The following USP13 variants were observed in gnomAD, a reference collection of about 807,000 sequenced individuals.
The protein encoded by USP13 is ubiquitin specific peptidase 13, also known as ubiquitin carboxyl-terminal hydrolase 13.
Under a neutral mutation model 107.8 loss-of-function variants are expected in USP13, and 68 were observed. That is an observed-to-expected ratio of 0.63 (90% confidence interval 0.52 to 0.77). The LOEUF (loss-of-function observed/expected upper bound fraction) is 0.77. Among genes scored for constraint, USP13 ranks in the 30% least tolerant of loss-of-function variants. The pLI, the probability that USP13 is intolerant of heterozygous loss-of-function variation, is 0.00. For missense variants in USP13, 945 were observed against 1,093.3 expected (o/e 0.86, Z 1.91); for synonymous variants, 377 against 389.5 (o/e 0.97, Z 0.38).
intron 13 of USP13, 51 bp downstream of exon 13, chr3:179,745,268 G>T: frequency 6.4e-6 from 10 of 1,563,128 alleles, no homozygotes; most frequent in African/African-American, 4.1e-5. Flanking sequence ...GCCTTGAGGG[G>T]TGGGGACAGG....
chr3:179,722,151 C>T (rs1560062445), intron 8 of USP13, among the ~76,000 whole-genome samples: 1 of 151,962 alleles, frequency 6.6e-6, no homozygotes, highest in Non-Finnish European at 1.5e-5. Flanking sequence ...TTTTGACCAT[C>T]ACCCTATGTA....
chr3:179,740,002 C>T (rs11918373), intron 10 of USP13, among the ~76,000 whole-genome samples: 10,799 of 152,116 alleles, frequency 0.071, 923 homozygotes, highest in African/African-American at 0.19. Context: ...GTGTGTGTCA[C>T]CTATTGTCCT....
intron 15 of USP13, among the ~76,000 whole-genome samples, chr3:179,756,147 A>G (rs1029571946): frequency 1.3e-5 from 2 of 152,198 alleles, no homozygotes; most frequent in African/African-American, 2.4e-5. Flanking sequence ...AGAGAGGGCC[A>G]GGCGCGGTGG....
At chr3:179,765,636 C>T in intron 18 of USP13, 59 bp from the exon 19 acceptor site, 1 of 1,585,672 alleles carries the variant, frequency 6.3e-7, no homozygotes, top group Non-Finnish European at 8.6e-7. Flanking sequence ...ATGGTCAGGA[C>T]ATAGTGAGGC....
chr3:179,756,675 C>G (rs1162409547), intron 15 of USP13, among the ~76,000 whole-genome samples: 1 of 152,094 alleles, frequency 6.6e-6, no homozygotes, highest in African/African-American at 2.4e-5. Flanking sequence ...GGAGGATCAC[C>G]TGAGCCCAGG....
chr3:179,760,214 T>G (rs1377852834), intron 16 of USP13, among the ~76,000 whole-genome samples: 1 of 152,084 alleles, frequency 6.6e-6, no homozygotes, highest in Non-Finnish European at 1.5e-5. Context: ...TATCTATATG[T>G]TATTAACACA....
chr3:179,771,473 A>G (rs1035013575), intron 19 of USP13, among the ~76,000 whole-genome samples: 7 of 152,224 alleles, frequency 4.6e-5, no homozygotes, highest in Non-Finnish European at 8.8e-5. Context: ...GTTCGGACTA[A>G]TAGAATCACC....
At chr3:179,770,808 A>G (rs903258891) in intron 19 of USP13, among the ~76,000 whole-genome samples, 2 of 152,140 alleles carry the variant, frequency 1.3e-5, no homozygotes, top group South Asian at 4.1e-4. Flanking sequence ...GGGTTTCACC[A>G]TGTTGGCCAG....
intron 4 of USP13, among the ~76,000 whole-genome samples, chr3:179,703,665 C>T (rs1305683649): frequency 6.6e-6 from 1 of 152,184 alleles, no homozygotes; most frequent in East Asian, 1.9e-4. Context: ...TGACTGATTT[C>T]AGGTTATCAA....
At position 179,784,838 on chromosome 3, in the gene USP13, A is replaced by G. The variant is rs951970694; in HGVS notation, c.*697A>G. ...GGTTTTTAAAGTCTGAACAGTTGAT[A>G]TTAAGCATATCTGAAAAAAGCAAGT... is the stretch of plus-strand genomic sequence containing the variant. On this transcript the variant is annotated 3_prime_UTR_variant, in exon 21 of 21. Transcript: ENST00000263966. The G allele has an allele frequency of 6.6e-6, 1 of 152,264 alleles. No homozygotes were observed. The highest frequency in any genetic ancestry group is 1.5e-5 in the Non-Finnish European group (1 of 68,054). The allele number at this position is 152,264 out of a possible 1,614,324, so 9.4% of individuals were successfully genotyped here.
chr3:179,745,018 G>A (rs2108516203), intron 12 of USP13, 25 bp from the exon 13 acceptor site: 1 of 1,613,706 alleles, frequency 6.2e-7, no homozygotes, highest in East Asian at 2.2e-5. Context: ...CGATTGCAAG[G>A]TCTTTGATTT....
chr3:179,780,185 C>T (rs531291438), intron 19 of USP13, among the ~76,000 whole-genome samples: 9 of 152,288 alleles, frequency 5.9e-5, no homozygotes, highest in South Asian at 4.1e-4. Context: ...TAAGGATGCC[C>T]GCTTTTGACA....
At chr3:179,722,870 C>T (rs1003967868) in intron 8 of USP13, among the ~76,000 whole-genome samples, 1 of 152,152 alleles carries the variant, frequency 6.6e-6, no homozygotes, top group Non-Finnish European at 1.5e-5. Flanking sequence ...TTTAGGTGCT[C>T]CCTGACTGTG....
chr3:179,776,809 CTT>C (rs1715554355), intron 19 of USP13, among the ~76,000 whole-genome samples: 1 of 141,370 alleles, frequency 7.1e-6, no homozygotes, highest in African/African-American at 2.6e-5. Context: ...ATCAGAAAAA[CTT>C]AAATATTTTT....
chr3:179,780,210 T>C (rs1048605488), intron 19 of USP13, among the ~76,000 whole-genome samples: 5 of 152,214 alleles, frequency 3.3e-5, no homozygotes, highest in African/African-American at 9.6e-5. Context: ...TGTTTAACAT[T>C]GTACAGGAGG....
chr3:179,780,100 C>G (rs1272546572), intron 19 of USP13, among the ~76,000 whole-genome samples: 5 of 152,212 alleles, frequency 3.3e-5, no homozygotes, highest in African/African-American at 1.2e-4. Flanking sequence ...TAAAATGTAT[C>G]TACAAAAACC....
chr3:179,656,293 C>T (rs1034937487), intron 1 of USP13, among the ~76,000 whole-genome samples: 1 of 152,166 alleles, frequency 6.6e-6, no homozygotes, highest in Admixed American at 6.5e-5. Flanking sequence ...ATCTGGAAAA[C>T]ATTTGATCTT....
At chr3:179,657,225 A>C (rs1425181489) in intron 1 of USP13, among the ~76,000 whole-genome samples, 1 of 152,176 alleles carries the variant, frequency 6.6e-6, no homozygotes, top group East Asian at 1.9e-4. Context: ...TGCTTTAAAA[A>C]AGGAGGAAAG....
chr3:179,767,876 A>C (rs7610873), intron 19 of USP13, among the ~76,000 whole-genome samples: 32,156 of 152,148 alleles, frequency 0.21, 5,624 homozygotes, highest in African/African-American at 0.49. Flanking sequence ...TCATATACAG[A>C]TAGAAAGAGA....
Sources: gnomAD v4.1 joint callset for allele counts (sites outside exome capture counted in the v4.1 genomes callset) on GRCh38, gnomAD v4.1.1 for gene constraint, MANE v1.5 for transcripts, NCBI Gene and HGNC (gene_info 2026-07-23, HGNC 2026-07-21) for gene names.